Variants in DLGAP1 observed in about 807,000 individuals in gnomAD.
DLGAP1 encodes the protein DLG associated protein 1.
Under a neutral mutation model 90.8 loss-of-function variants are expected in DLGAP1, and 11 were observed. That is an observed-to-expected ratio of 0.12 (90% confidence interval 0.08 to 0.20). The LOEUF is 0.20. Among genes scored for constraint, DLGAP1 ranks in the 10% least tolerant of loss-of-function variants. DLGAP1 has a pLI of 1.00. For missense variants in DLGAP1, 1,050 were observed against 1,333.8 expected (o/e 0.79, Z 3.31); for synonymous variants, 558 against 540.7 (o/e 1.03, Z -0.44).
chr18:3,947,577 G>T (rs2072901571), intron 3 of DLGAP1, among the ~76,000 whole-genome samples: 1 of 152,272 alleles, frequency 6.6e-6, no homozygotes, highest in African/African-American at 2.4e-5. Context: ...TATGTTAAAG[G>T]AAATGCTCAG....
At chr18:3,662,044 G>A (rs913971982) in intron 7 of DLGAP1, among the ~76,000 whole-genome samples, 7 of 152,004 alleles carry the variant, frequency 4.6e-5, no homozygotes, top group African/African-American at 1.7e-4. Context: ...AGGAACCCAC[G>A]GATTTTAGTA....
At chr18:4,035,728 TA>T (rs1341624504) in intron 2 of DLGAP1, among the ~76,000 whole-genome samples, 3 of 152,166 alleles carry the variant, frequency 2.0e-5, no homozygotes, top group Non-Finnish European at 4.4e-5. Flanking sequence ...CACTTGACAC[TA>T]ATCGGTTGCT....
At chr18:4,227,970 A>G (rs1283982976) in intron 1 of DLGAP1, among the ~76,000 whole-genome samples, 2 of 151,858 alleles carry the variant, frequency 1.3e-5, no homozygotes, top group African/African-American at 4.8e-5. Flanking sequence ...CTAACAAAAT[A>G]CAGAGAGAGA....
intron 6 of DLGAP1, among the ~76,000 whole-genome samples, chr18:3,731,817 T>A (rs1275999009): frequency 6.6e-6 from 1 of 152,204 alleles, no homozygotes; most frequent in African/African-American, 2.4e-5. Flanking sequence ...TAATGAATTA[T>A]AATAAGGCAA....
intron 2 of DLGAP1, among the ~76,000 whole-genome samples, chr18:4,110,551 G>C (rs2075955217): frequency 6.6e-6 from 1 of 152,106 alleles, no homozygotes; most frequent in Non-Finnish European, 1.5e-5. Flanking sequence ...GAATATATCA[G>C]GTCCCCATAG....
intron 5 of DLGAP1, among the ~76,000 whole-genome samples, chr18:3,784,145 G>A (rs1374569692): frequency 6.6e-6 from 1 of 152,054 alleles, no homozygotes; most frequent in Non-Finnish European, 1.5e-5. Flanking sequence ...GTGTTTGTGT[G>A]TATGTTTGCA....
chr18:3,984,536 C>G (rs965253813), intron 3 of DLGAP1, among the ~76,000 whole-genome samples: 1 of 152,150 alleles, frequency 6.6e-6, no homozygotes, highest in Non-Finnish European at 1.5e-5. Context: ...GACTGATGTA[C>G]TCCTCTCACA....
intron 7 of DLGAP1, among the ~76,000 whole-genome samples, chr18:3,611,523 C>T (rs2057626943): frequency 1.3e-5 from 2 of 152,142 alleles, no homozygotes; most frequent in Admixed American, 6.6e-5. Context: ...TGACCAAGGC[C>T]CCACGAAGTC....
chr18:3,553,426 A>C (rs1276264710), intron 9 of DLGAP1, among the ~76,000 whole-genome samples: 1 of 152,220 alleles, frequency 6.6e-6, no homozygotes, highest in Non-Finnish European at 1.5e-5. Context: ...CAATGTAAAT[A>C]CTACTTTGTT....
intron 7 of DLGAP1, among the ~76,000 whole-genome samples, chr18:3,665,993 G>C (rs914533679): frequency 1.3e-5 from 2 of 152,132 alleles, no homozygotes; most frequent in Non-Finnish European, 2.9e-5. Context: ...ACAAAACACA[G>C]GCCCAGACTG....
At chr18:3,717,118 GT>G (rs1021940854) in intron 7 of DLGAP1, among the ~76,000 whole-genome samples, 2 of 132,538 alleles carry the variant, frequency 1.5e-5, no homozygotes, top group Admixed American at 1.7e-4. Context: ...ATACTATCTT[GT>G]AAGCCTTTTG....
At chr18:3,600,969 GATAGATATATAGATATAGAT>G (rs2056966071) in intron 7 of DLGAP1, among the ~76,000 whole-genome samples, 5 of 87,504 alleles carry the variant, frequency 5.7e-5, no homozygotes, top group Non-Finnish European at 9.6e-5. Flanking sequence ...TAGATATATA[GATAGATATATAGATATAGAT>G]ATATAGATAT....
At chr18:3,718,541 G>A (rs901332109) in intron 7 of DLGAP1, among the ~76,000 whole-genome samples, 2 of 152,212 alleles carry the variant, frequency 1.3e-5, no homozygotes, top group South Asian at 2.1e-4. Flanking sequence ...TAAGGAAACC[G>A]CCTTGCCCAA....
intron 3 of DLGAP1, among the ~76,000 whole-genome samples, chr18:3,924,497 C>A (rs77549255): frequency 0.018 from 2,671 of 152,258 alleles, 30 homozygotes; most frequent in Non-Finnish European, 0.027. Context: ...TAAGTCAATG[C>A]CATTAGCATA....
At chr18:3,968,521 A>C (rs1271275875) in intron 3 of DLGAP1, among the ~76,000 whole-genome samples, 1 of 152,196 alleles carries the variant, frequency 6.6e-6, no homozygotes, top group Non-Finnish European at 1.5e-5. Flanking sequence ...TATTTTGTGC[A>C]ATCTCTTTAC....
At chr18:3,731,340 T>C (rs900671492) in intron 6 of DLGAP1, among the ~76,000 whole-genome samples, 2 of 152,182 alleles carry the variant, frequency 1.3e-5, no homozygotes, top group Non-Finnish European at 2.9e-5. Context: ...TCCCCTCTTC[T>C]ACTTTGTATA....
chr18:3,535,861 G>T (rs912304099), intron 9 of DLGAP1, among the ~76,000 whole-genome samples: 4 of 151,648 alleles, frequency 2.6e-5, no homozygotes, highest in African/African-American at 9.7e-5. Context: ...GAATAATCCC[G>T]TCTCTACTAA....
chr18:3,637,939 G>T (rs2058777443), intron 7 of DLGAP1, among the ~76,000 whole-genome samples: 1 of 141,836 alleles, frequency 7.1e-6, no homozygotes, highest in South Asian at 2.2e-4. Flanking sequence ...TTTTGTGCTA[G>T]GTAGCTTTTT....
chr18:4,413,745 A>T (rs1052491652), intron 1 of DLGAP1, among the ~76,000 whole-genome samples: 1 of 152,244 alleles, frequency 6.6e-6, no homozygotes, highest in Non-Finnish European at 1.5e-5. Context: ...CTCAAAGGAA[A>T]GATAAAAGGG....
Sources: gnomAD v4.1 joint callset for allele counts (sites outside exome capture counted in the v4.1 genomes callset) on GRCh38, gnomAD v4.1.1 for gene constraint, MANE v1.5 for transcripts, NCBI Gene and HGNC (gene_info 2026-07-23, HGNC 2026-07-21) for gene names.